Variants in CHRNB3 observed in about 807,000 individuals in gnomAD.
The protein encoded by CHRNB3 is cholinergic receptor nicotinic beta 3 subunit, also known as neuronal acetylcholine receptor subunit beta-3.
In CHRNB3, 37 loss-of-function variants were observed where a neutral mutation model predicts 40.6. That is an observed-to-expected ratio of 0.91 (90% CI 0.70 to 1.20). The LOEUF is 1.20. Among genes scored for constraint, CHRNB3 ranks in the 50% most tolerant of loss-of-function variants. The probability of loss-of-function intolerance (pLI) is 0.00; values close to 1 mark genes in which losing one functional copy is unlikely to be tolerated. For synonymous variants in CHRNB3, 207 were observed against 207.1 expected, an observed-to-expected ratio of 1.00 and a Z score of 0.00; for missense variants, 505 against 551.2, an observed-to-expected ratio of 0.92 and a Z score of 0.84.
chr8:42,726,928 A>G (rs1427704593), intron 3 of CHRNB3, among the ~76,000 whole-genome samples: 2 of 152,204 alleles, frequency 1.3e-5, no homozygotes, highest in Admixed American at 1.3e-4. Flanking sequence ...AGGAGAATCT[A>G]TATTATGATG....
At chr8:42,707,524 G>A (rs1245958831) in intron 1 of CHRNB3, among the ~76,000 whole-genome samples, 2 of 152,202 alleles carry the variant, frequency 1.3e-5, no homozygotes, top group African/African-American at 4.8e-5. Context: ...CTGCACTCTA[G>A]CCTGGGCAAC....
In CHRNB3 at chr8:42,708,717, C is replaced by T. The variant is rs1815961227; in HGVS notation, c.53C>T (p.Ala18Val). The stretch of plus-strand genomic sequence containing the variant: ...AGGTCCACCCATGATTCTTTTACAG[C>T]CACCACAGGTTTCAACTCAATCGCC... ...VLIVLGIPSSATTGFNSIAEN... is the reference protein window; with the variant it reads ...VLIVLGIPSSVTTGFNSIAEN... The change falls in exon 2 of 6, where the codon GCC (alanine) becomes GTC (valine). Residue 18 changes from alanine to valine, a missense_variant and splice_region_variant. Transcript: ENST00000289957. The T allele has an allele frequency of 6.2e-7, 1 of 1,613,268 alleles. No individual in the cohort carries two copies. Among genetic ancestry groups the T allele is most frequent in the Admixed American group, 1.7e-5 (1 of 59,846 alleles).
chr8:42,702,592 G>C (rs1815828934), intron 1 of CHRNB3, among the ~76,000 whole-genome samples: 1 of 152,038 alleles, frequency 6.6e-6, no homozygotes. Context: ...TTGAAACCCT[G>C]TCTCTACTAA....
intron 3 of CHRNB3, among the ~76,000 whole-genome samples, chr8:42,721,074 C>G (rs1816211512): frequency 6.6e-6 from 1 of 152,246 alleles, no homozygotes; most frequent in Non-Finnish European, 1.5e-5. Flanking sequence ...ACAGCCCTAG[C>G]TGGTCTGCCC....
intron 4 of CHRNB3, 72 bp downstream of exon 4, chr8:42,730,775 G>T: frequency 3.2e-6 from 3 of 940,714 alleles, no homozygotes; most frequent in Non-Finnish European, 1.5e-6. Context: ...AAGGCTGGGC[G>T]CGGTGGCTCA....
chr8:42,718,696 A>C (rs2128906979), intron 3 of CHRNB3, among the ~76,000 whole-genome samples: 1 of 128,756 alleles, frequency 7.8e-6, no homozygotes, highest in South Asian at 2.6e-4. Context: ...AAAAAAAAAA[A>C]AAAAGAATAA....
chr8:42,736,607 A>C lies in CHRNB3; in HGVS notation c.1366A>C (p.Ser456Arg). The change falls in exon 6 of 6, where the codon AGT (serine) becomes CGT (arginine). Residue 456 changes from serine to arginine, a missense_variant. Coordinates refer to ENST00000289957, the MANE Select transcript of CHRNB3 (RefSeq NM_000749.5). ...FTPALKMWLHSYH is the reference protein window; with the variant it reads ...FTPALKMWLHRYH ...CCCTGCTTTGAAGATGTGGCTACAT[A>C]GTTACCATTAGGAATTTAAAAGACA... 3 of 1,614,190 alleles carry C rather than the reference A, an allele frequency of 1.9e-6. No individual in the cohort carries two copies. The highest frequency in any genetic ancestry group is 2.5e-6 in the Non-Finnish European group (3 of 1,180,024).
In CHRNB3 at chr8:42,703,422, T is replaced by TAA. The variant is rs1202825994; in HGVS notation, c.53-5282_53-5281dup. On this transcript the variant is annotated intron_variant, in intron 1 of 5. Transcript: ENST00000289957. ...CGGGGTGACAGAGCAAGACTTCGTC[T>TAA]AAAAAAAAAAAAAATATTTATATAT... is the stretch of plus-strand genomic sequence containing the variant. Among the ~76,000 whole-genome samples, 23 of 26,482 alleles carry TAA rather than the reference T, an allele frequency of 8.7e-4. 3 individuals are homozygous for TAA. The highest frequency in any genetic ancestry group is 4.4e-3 in the South Asian group (2 of 454). 17.4% of individuals were successfully genotyped at this position (26,482 alleles called of 152,430 possible).
In CHRNB3 at chr8:42,697,414, C is replaced by A; in HGVS notation, c.-133C>A. The A allele has an allele frequency of 1.4e-6, 1 of 699,636 alleles. No individual in the cohort carries two copies. Among genetic ancestry groups the A allele is most frequent in the African/African-American group, 1.8e-5 (1 of 56,716 alleles). The allele number at this position is 699,636 out of a possible 1,614,324, so 43.3% of individuals were successfully genotyped here. ...GGGGTTGAGATTGTTTTATTCCACT[C>A]CAGGTGTTGCTGTCCTCTTGGGTTC... On this transcript the variant is annotated 5_prime_UTR_variant, in exon 1 of 6. Transcript: ENST00000289957.
intron 1 of CHRNB3, among the ~76,000 whole-genome samples, chr8:42,707,290 A>G (rs530347058): frequency 2.0e-5 from 3 of 152,222 alleles, no homozygotes; most frequent in Non-Finnish European, 2.9e-5. Flanking sequence ...TTTTCTTCCT[A>G]AAAGAATCCC....
At chr8:42,709,357 A>G (rs75771356) in intron 2 of CHRNB3, among the ~76,000 whole-genome samples, 2,770 of 151,434 alleles carry the variant, frequency 0.018, 34 homozygotes, top group Non-Finnish European at 0.023. Context: ...ATGCCTTCAC[A>G]TTCTAATTTT....
chr8:42,722,446 A>C (rs1816235106), intron 3 of CHRNB3, among the ~76,000 whole-genome samples: 1 of 152,194 alleles, frequency 6.6e-6, no homozygotes, highest in Non-Finnish European at 1.5e-5. Context: ...GAGGATGACC[A>C]AAGGCCTGTG....
chr8:42,713,750 A>C (rs1816057092), intron 3 of CHRNB3, among the ~76,000 whole-genome samples: 1 of 152,206 alleles, frequency 6.6e-6, no homozygotes, highest in Non-Finnish European at 1.5e-5. Context: ...CAAATGCATA[A>C]ATGAGGTTTA....
chr8:42,717,058 G>A (rs75962701), intron 3 of CHRNB3, among the ~76,000 whole-genome samples: 6,316 of 152,024 alleles, frequency 0.042, 185 homozygotes, highest in South Asian at 0.081. Context: ...TAGACCCCTG[G>A]AGCTGATTTC....
In CHRNB3 at chr8:42,736,938, C is replaced by A; in HGVS notation, c.*320C>A. 1 of 252,496 alleles carries A rather than the reference C, an allele frequency of 4.0e-6. No homozygotes were observed. The highest frequency in any genetic ancestry group is 8.5e-5 in the East Asian group (1 of 11,714). The allele number at this position is 252,496 out of a possible 1,614,324, so 15.6% of individuals were successfully genotyped here. A position where few individuals can be genotyped will look rare whatever the true frequency, so the allele number is the denominator to read the frequency against. On this transcript the variant is annotated 3_prime_UTR_variant, in exon 6 of 6. Transcript: ENST00000289957. ...AAGCTGTTGCTACTTGGTGGAGGAACACCTCCTAGAAGCAGCAGGCCTCGG... is the reference window on the plus strand; with the variant it reads ...AAGCTGTTGCTACTTGGTGGAGGAAAACCTCCTAGAAGCAGCAGGCCTCGG...
At chr8:42,698,365 A>G (rs1350488876) in intron 1 of CHRNB3, among the ~76,000 whole-genome samples, 2 of 152,198 alleles carry the variant, frequency 1.3e-5, no homozygotes, top group African/African-American at 2.4e-5. Flanking sequence ...TTGAATCAGA[A>G]ACCATCTGAA....
chr8:42,702,299 A>C (rs1199152836), intron 1 of CHRNB3, among the ~76,000 whole-genome samples: 1 of 152,152 alleles, frequency 6.6e-6, no homozygotes, highest in Non-Finnish European at 1.5e-5. Context: ...TATTTAAAAT[A>C]GAAATAAACA....
At chr8:42,716,902 TCTC>T (rs1219975585) in intron 3 of CHRNB3, among the ~76,000 whole-genome samples, 2 of 152,034 alleles carry the variant, frequency 1.3e-5, no homozygotes, top group Admixed American at 6.6e-5. Context: ...GACAGTTTGT[TCTC>T]CTCTCCCCAT....
chr8:42,735,303 C>G (rs1166896181), intron 5 of CHRNB3, among the ~76,000 whole-genome samples: 5 of 152,012 alleles, frequency 3.3e-5, no homozygotes, highest in African/African-American at 9.7e-5. Context: ...TTTGGGAGGC[C>G]GAGGCGGGTG....
Sources: gnomAD v4.1 joint callset for allele counts (sites outside exome capture counted in the v4.1 genomes callset) on GRCh38, gnomAD v4.1.1 for gene constraint, MANE v1.5 for transcripts, NCBI Gene and HGNC (gene_info 2026-07-23, HGNC 2026-07-21) for gene names.